CNTNAP2: variants seen among roughly 807,000 people sequenced by gnomAD.
The protein encoded by CNTNAP2 is contactin-associated protein-like 2.
Under a neutral mutation model 155.2 loss-of-function variants are expected in CNTNAP2, and 98 were observed. The ratio of observed to expected loss-of-function variants is 0.63; its 90% CI spans 0.54 to 0.75. CNTNAP2 has a LOEUF of 0.75. Among genes scored for constraint, CNTNAP2 ranks in the 30% least tolerant of loss-of-function variants. CNTNAP2 has a pLI of 0.00. For missense variants in CNTNAP2, 1,727 were observed against 1,688.1 expected, an observed-to-expected ratio of 1.02 and a Z score of -0.40; for synonymous variants, 651 against 631.2, an observed-to-expected ratio of 1.03 and a Z score of -0.47.
chr7:146,941,574 C>T (rs914902541), intron 3 of CNTNAP2, among the ~76,000 whole-genome samples: 1 of 152,088 alleles, frequency 6.6e-6, no homozygotes, highest in Non-Finnish European at 1.5e-5. Flanking sequence ...TGTATTTTCT[C>T]TTACCAATGA....
intron 1 of CNTNAP2, among the ~76,000 whole-genome samples, chr7:146,732,817 C>T (rs1232402543): frequency 6.6e-6 from 1 of 152,070 alleles, no homozygotes; most frequent in Non-Finnish European, 1.5e-5. Flanking sequence ...CTCTAGATTA[C>T]TTGTAATACC....
chr7:146,230,864 A>C (rs1287304333), intron 1 of CNTNAP2, among the ~76,000 whole-genome samples: 1 of 152,098 alleles, frequency 6.6e-6, no homozygotes, highest in Non-Finnish European at 1.5e-5. Context: ...ACAATACAAA[A>C]AATAGCCAAC....
At chr7:148,401,168 C>G (rs908802281) in intron 22 of CNTNAP2, among the ~76,000 whole-genome samples, 2 of 152,164 alleles carry the variant, frequency 1.3e-5, no homozygotes, top group Non-Finnish European at 1.5e-5. Context: ...GGCAGTGAGG[C>G]TCTCTGATCC....
At chr7:146,405,338 G>T (rs1795775555) in intron 1 of CNTNAP2, among the ~76,000 whole-genome samples, 1 of 152,294 alleles carries the variant, frequency 6.6e-6, no homozygotes. Context: ...GAAACTGTAA[G>T]TTCCATAAGG....
rs182705639 is a variant in CNTNAP2 at position 147,243,218 on chromosome 7, G to A, written c.1349-56923G>A. ...TCACCATGTTGGCCAGGCTGGTCTCGATCTCCTGACCTCATGATCCACCTG... is the reference window on the plus strand; with the variant it reads ...TCACCATGTTGGCCAGGCTGGTCTCAATCTCCTGACCTCATGATCCACCTG... On this transcript the variant is annotated intron_variant, in intron 8 of 23. Coordinates refer to ENST00000361727, the MANE Select transcript of CNTNAP2 (RefSeq NM_014141.6). 9.9e-5 allele frequency among the ~76,000 whole-genome samples: 15 copies of A among 151,828 alleles called. No homozygotes were observed. The East Asian group carries it at 1.6e-3, about 16-fold the overall frequency.
intron 1 of CNTNAP2, among the ~76,000 whole-genome samples, chr7:146,124,629 T>C (rs1797608988): frequency 6.6e-6 from 1 of 152,240 alleles, no homozygotes; most frequent in Admixed American, 6.5e-5. Flanking sequence ...AATTGTTACG[T>C]AGCATATTTG....
chr7:147,439,760 T>G (rs1455699527), intron 10 of CNTNAP2, among the ~76,000 whole-genome samples: 1 of 152,058 alleles, frequency 6.6e-6, no homozygotes, highest in Non-Finnish European at 1.5e-5. Context: ...ATCTGGGTGC[T>G]CCAATGTTGG....
chr7:146,905,295 T>G (rs1450272124), intron 3 of CNTNAP2, among the ~76,000 whole-genome samples: 1 of 152,048 alleles, frequency 6.6e-6, no homozygotes, highest in Non-Finnish European at 1.5e-5. Flanking sequence ...TAATTTGGCC[T>G]TCACCTACCA....
intron 6 of CNTNAP2, among the ~76,000 whole-genome samples, chr7:147,127,606 C>A (rs887895815): frequency 2.0e-5 from 3 of 152,032 alleles, no homozygotes; most frequent in Non-Finnish European, 4.4e-5. Flanking sequence ...GGAAAAGCAC[C>A]ACAGGCTCAA....
At chr7:148,084,723 C>G (rs1400266935) in intron 15 of CNTNAP2, among the ~76,000 whole-genome samples, 1 of 152,118 alleles carries the variant, frequency 6.6e-6, no homozygotes. Context: ...ATTTGGGTCT[C>G]TTGTCCAGAG....
intron 15 of CNTNAP2, among the ~76,000 whole-genome samples, chr7:148,103,819 T>C (rs1013528062): frequency 6.6e-6 from 1 of 152,238 alleles, no homozygotes; most frequent in East Asian, 1.9e-4. Flanking sequence ...TTTCTTTCAA[T>C]AGTATTTCCT....
At chr7:146,652,077 A>G (rs1369163781) in intron 1 of CNTNAP2, among the ~76,000 whole-genome samples, 1 of 152,160 alleles carries the variant, frequency 6.6e-6, no homozygotes, top group African/African-American at 2.4e-5. Context: ...TTGAACAACA[A>G]TGCAAAAGGA....
intron 1 of CNTNAP2, among the ~76,000 whole-genome samples, chr7:146,473,246 A>G (rs144719564): frequency 6.6e-6 from 1 of 152,240 alleles, no homozygotes; most frequent in East Asian, 1.9e-4. Context: ...ACAATTCTAG[A>G]AGCACAAGAG....
chr7:146,417,956 T>A (rs1795961176), intron 1 of CNTNAP2, among the ~76,000 whole-genome samples: 1 of 122,056 alleles, frequency 8.2e-6, no homozygotes, highest in Non-Finnish European at 1.7e-5. Context: ...AGATACACTG[T>A]TCTTGAAGTG....
intron 3 of CNTNAP2, among the ~76,000 whole-genome samples, chr7:146,969,736 G>C (rs962535810): frequency 4.6e-5 from 7 of 151,968 alleles, no homozygotes; most frequent in Non-Finnish European, 1.0e-4. Context: ...CACCAAAAAA[G>C]AGCCTGCATC....
intron 13 of CNTNAP2, among the ~76,000 whole-genome samples, chr7:147,824,458 A>G (rs766682644): frequency 6.6e-6 from 1 of 152,094 alleles, no homozygotes; most frequent in African/African-American, 2.4e-5. Context: ...AATACTACAG[A>G]ATTTCCCCAT....
intron 21 of CNTNAP2, among the ~76,000 whole-genome samples, chr7:148,298,224 T>C (rs1797320769): frequency 6.6e-6 from 1 of 152,152 alleles, no homozygotes; most frequent in Non-Finnish European, 1.5e-5. Context: ...ATGGTGCTAG[T>C]GGATGGTGGG....
intron 15 of CNTNAP2, among the ~76,000 whole-genome samples, chr7:148,005,186 G>T (rs528975914): frequency 6.6e-6 from 1 of 152,066 alleles, no homozygotes; most frequent in East Asian, 1.9e-4. Flanking sequence ...TCTGGTGAGG[G>T]CACTCGTCTC....
At chr7:146,574,624 C>A (rs957152512) in intron 1 of CNTNAP2, among the ~76,000 whole-genome samples, 3 of 152,088 alleles carry the variant, frequency 2.0e-5, no homozygotes, top group African/African-American at 7.2e-5. Flanking sequence ...TTGCTTGAAC[C>A]TGGGAGGCGG....
Sources: allele counts gnomAD v4.1 joint callset (sites outside exome capture counted in the v4.1 genomes callset), GRCh38; gene constraint gnomAD v4.1.1; transcripts MANE v1.5; gene names NCBI Gene and HGNC (gene_info 2026-07-23, HGNC 2026-07-21).